The following GPR107 variants were observed in gnomAD, a reference collection of about 807,000 sequenced individuals.
GPR107 encodes protein GPR107.
GPR107 carries 31 observed loss-of-function variants against 75.5 expected under a neutral mutation model. The observed-to-expected ratio is 0.41, with a 90% CI of 0.31 to 0.55. The LOEUF is 0.55. GPR107 is among the 20% of genes least tolerant of loss of function. The pLI, the probability that GPR107 is intolerant of heterozygous loss-of-function variation, is 0.26. For missense variants in GPR107, 572 were observed against 665.7 expected, an observed-to-expected ratio of 0.86 and a Z score of 1.55; for synonymous variants, 267 against 251.3, an observed-to-expected ratio of 1.06 and a Z score of -0.59.
chr9:130,097,258 G>A (rs529231818), intron 9 of GPR107, among the ~76,000 whole-genome samples: 6 of 148,906 alleles, frequency 4.0e-5, no homozygotes, highest in African/African-American at 7.4e-5. Flanking sequence ...GAGTGCAAGC[G>A]ATTCTCCTGC....
chr9:130,076,982 C>T (rs927996279), intron 3 of GPR107, among the ~76,000 whole-genome samples: 54 of 151,584 alleles, frequency 3.6e-4, no homozygotes, highest in African/African-American at 1.1e-3. Context: ...CCGCCTCCCT[C>T]GTTCAAGTGA....
At chr9:130,113,880 T>G (rs1831360743) in intron 14 of GPR107, among the ~76,000 whole-genome samples, 1 of 152,182 alleles carries the variant, frequency 6.6e-6, no homozygotes, top group Non-Finnish European at 1.5e-5. Context: ...TACATCTATC[T>G]GTATGGGGCC....
At chr9:130,083,702 A>G (rs748059997) in intron 6 of GPR107, 100 bp downstream of exon 6, 1 of 636,454 alleles carries the variant, frequency 1.6e-6, no homozygotes, top group Non-Finnish European at 2.5e-6. Flanking sequence ...ATATACATAC[A>G]TGCATGCACA....
rs1234903856 is a variant in GPR107 at position 130,138,963 on chromosome 9, TCCATA to T, written c.*3844_*3848del. On this transcript the variant is annotated 3_prime_UTR_variant, in exon 18 of 18. Coordinates refer to ENST00000347136, the MANE Select transcript of GPR107 (RefSeq NM_020960.5). ...AGTCTGCTGAGGTTGTTGGCCCAGC[TCCATA>T]CACCCAGTAGAACAGTGGAACAACT... 2.0e-5 allele frequency: 3 copies of T among 152,328 alleles called. No individual in the cohort carries two copies. In the South Asian group the frequency reaches 6.2e-4, roughly 32 times the overall value. The allele number at this position is 152,328 out of a possible 1,614,324, so 9.4% of individuals were successfully genotyped here. A position where few individuals can be genotyped will look rare whatever the true frequency, so the allele number is the denominator to read the frequency against.
At chr9:130,070,190 T>C (rs1830172340) in intron 1 of GPR107, among the ~76,000 whole-genome samples, 1 of 148,178 alleles carries the variant, frequency 6.7e-6, no homozygotes, top group Non-Finnish European at 1.5e-5. Context: ...TTGGTAGAGA[T>C]GGGTTTTCAC....
At chr9:130,097,344 G>GGGTTTTCACTGTGTTGGCCAAGCA (rs1830899845) in intron 9 of GPR107, among the ~76,000 whole-genome samples, 1 of 151,728 alleles carries the variant, frequency 6.6e-6, no homozygotes, top group East Asian at 1.9e-4. Context: ...TAGTAGAGAC[G>GGGTTTTCACTGTGTTGGCCAAGCA]GGTTTTCACT....
At chr9:130,109,043 A>G (rs1589518856) in intron 14 of GPR107, among the ~76,000 whole-genome samples, 1 of 113,088 alleles carries the variant, frequency 8.8e-6, no homozygotes, top group Non-Finnish European at 1.7e-5. Flanking sequence ...CTTTTTGCCC[A>G]GGCTAGAGTG....
rs71387311 is a variant in GPR107 at position 130,085,754 on chromosome 9, A to ATTTTTTTTTTTT, written c.565-660_565-649dup. Among the ~76,000 whole-genome samples the ATTTTTTTTTTTT allele has an allele frequency of 4.8e-4, 38 of 78,656 alleles. 5 individuals are homozygous for ATTTTTTTTTTTT. The highest frequency in any genetic ancestry group is 3.8e-4 in the Non-Finnish European group (16 of 42,286). The allele number at this position is 78,656 out of a possible 152,430, so 51.6% of individuals were successfully genotyped here. A position where few individuals can be genotyped will look rare whatever the true frequency, so the allele number is the denominator to read the frequency against. The stretch of plus-strand genomic sequence containing the variant: ...TTACTGTATAAATGGCAATATTTTG[A>ATTTTTTTTTTTT]TTTTTTTTTTTTTTTTTGCCGGGGG... On this transcript the variant is annotated intron_variant, in intron 6 of 17. Coordinates refer to ENST00000347136, the MANE Select transcript of GPR107 (RefSeq NM_020960.5).
intron 1 of GPR107, among the ~76,000 whole-genome samples, chr9:130,057,144 A>G (rs1829812936): frequency 6.6e-6 from 1 of 152,042 alleles, no homozygotes; most frequent in African/African-American, 2.4e-5. Flanking sequence ...TTAGAGACCC[A>G]TAATGGCAAG....
chr9:130,100,030 G>T (rs1175997171), intron 10 of GPR107, among the ~76,000 whole-genome samples: 1 of 151,510 alleles, frequency 6.6e-6, no homozygotes, highest in African/African-American at 2.4e-5. Flanking sequence ...GAGTAGCTGG[G>T]ACTACAGGCG....
In GPR107 at chr9:130,104,545, G is replaced by A; in HGVS notation, c.1257G>A (p.Val419=). The part of the protein sequence containing the change: ...LLCCGAILFP[V]VWSIRHLQEA... ...GTTGTGGTGCCATCCTCTTCCCAGT[G>A]GTGTGGTGAGTAGCTCACAGGGAGG... Residue 419 remains valine (V), a synonymous_variant, in exon 13 of 18, where the codon GTG becomes GTA. Transcript: ENST00000347136. The A allele has an allele frequency of 1.2e-6, 2 of 1,613,622 alleles. No individual in the cohort carries two copies. Among genetic ancestry groups the A allele is most frequent in the Non-Finnish European group, 1.7e-6 (2 of 1,179,610 alleles).
At position 130,121,386 on chromosome 9, in the gene GPR107, A is replaced by C. The variant is rs561968522; in HGVS notation, c.1307-3529A>C. On this transcript the variant is annotated intron_variant, in intron 14 of 17. Coordinates refer to ENST00000347136, the MANE Select transcript of GPR107 (RefSeq NM_020960.5). Reference sequence around the variant, plus strand: ...CTTATAATGTTTTAAGAAAGTTTACAAATCTGTGTTGGGCCGCATTCAAAG... The same window carrying C: ...CTTATAATGTTTTAAGAAAGTTTACCAATCTGTGTTGGGCCGCATTCAAAG... Among the ~76,000 whole-genome samples the C allele has an allele frequency of 3.9e-5, 6 of 152,360 alleles. No individual in the cohort carries two copies. The East Asian group carries it at 1.2e-3, about 29-fold the overall frequency.
intron 14 of GPR107, among the ~76,000 whole-genome samples, chr9:130,122,934 C>A (rs529320941): frequency 1.4e-3 from 219 of 152,272 alleles, no homozygotes; most frequent in African/African-American, 5.1e-3. Context: ...GTCAAGGCTG[C>A]AGTGAGCTGT....
chr9:130,108,965 C>A (rs1278631231), intron 14 of GPR107: 1 of 299,590 alleles, frequency 3.3e-6, no homozygotes, highest in Non-Finnish European at 6.4e-6. Flanking sequence ...AAGTACAAAT[C>A]CACCTCTAGG....
chr9:130,060,208 A>G (rs1220496866), intron 1 of GPR107, among the ~76,000 whole-genome samples: 1 of 151,684 alleles, frequency 6.6e-6, no homozygotes, highest in African/African-American at 2.4e-5. Flanking sequence ...GATTACAGGC[A>G]CCCACCACTA....
In GPR107 at chr9:130,135,342, G is replaced by A. The variant is rs1218600778; in HGVS notation, c.*221G>A. The stretch of plus-strand genomic sequence containing the variant: ...GGCAGCTGGATCCTCTTTCAGGCGG[G>A]AATGGGAGGGCGGGCACAGGGAGGA... On this transcript the variant is annotated 3_prime_UTR_variant, in exon 18 of 18. Coordinates refer to ENST00000347136, the MANE Select transcript of GPR107 (RefSeq NM_020960.5). 2.5e-6 allele frequency: 1 copy of A among 400,744 alleles called. No homozygotes were observed. Among genetic ancestry groups the A allele is most frequent in the African/African-American group, 2.1e-5 (1 of 47,692 alleles). 24.8% of individuals were successfully genotyped at this position (400,744 alleles called of 1,614,324 possible).
chr9:130,069,164 T>C (rs1221896736), intron 1 of GPR107, among the ~76,000 whole-genome samples: 1 of 152,250 alleles, frequency 6.6e-6, no homozygotes, highest in Non-Finnish European at 1.5e-5. Flanking sequence ...ATGCAAGTTT[T>C]AACTCTGAGC....
At chr9:130,084,649 G>A (rs1264848640) in intron 6 of GPR107, among the ~76,000 whole-genome samples, 1 of 151,864 alleles carries the variant, frequency 6.6e-6, no homozygotes, top group Admixed American at 6.6e-5. Context: ...GGTGGTATGC[G>A]CCTGTGGTCG....
At chr9:130,077,033 G>A (rs578221392) in intron 3 of GPR107, among the ~76,000 whole-genome samples, 6 of 152,050 alleles carry the variant, frequency 3.9e-5, no homozygotes, top group African/African-American at 1.4e-4. Context: ...GACTGCAGGT[G>A]CCCGCCACCA....
Sources: gnomAD v4.1 joint callset for allele counts (sites outside exome capture counted in the v4.1 genomes callset) on GRCh38, gnomAD v4.1.1 for gene constraint, MANE v1.5 for transcripts, NCBI Gene and HGNC (gene_info 2026-07-23, HGNC 2026-07-21) for gene names.